The following LOXHD1 variants were observed in gnomAD, a reference collection of about 807,000 sequenced individuals.
LOXHD1 encodes lipoxygenase homology PLAT domains 1, also known as lipoxygenase homology domain-containing protein 1.
LOXHD1 carries 205 observed loss-of-function variants against 248.2 expected under a neutral mutation model. The observed-to-expected ratio is 0.83, with a 90% confidence interval of 0.74 to 0.93. The LOEUF (loss-of-function observed/expected upper bound fraction) is 0.93, where lower values mean the gene tolerates loss of function less well. Among genes scored for constraint, LOXHD1 ranks in the 40% least tolerant of loss-of-function variants. The probability of loss-of-function intolerance (pLI) is 0.00; values close to 1 mark genes in which losing one functional copy is unlikely to be tolerated. For synonymous variants in LOXHD1, 1,113 were observed against 1,162.8 expected, an observed-to-expected ratio of 0.96 and a Z score of 0.87; for missense variants, 2,930 against 2,971.6, an observed-to-expected ratio of 0.99 and a Z score of 0.33.
intron 21 of LOXHD1, chr18:46,555,105 A>C (rs531072504): frequency 6.4e-6 from 3 of 470,768 alleles, no homozygotes; most frequent in Non-Finnish European, 1.3e-5. Context: ...ATGCCAAATC[A>C]GTGGCAGAGA....
chr18:46,542,277 TCAGGG>T (rs2036594949), intron 24 of LOXHD1, among the ~76,000 whole-genome samples: 1 of 152,108 alleles, frequency 6.6e-6, no homozygotes, highest in Admixed American at 6.5e-5. Context: ...CAAACAGAAC[TCAGGG>T]ATGCCAGGAA....
chr18:46,645,341 A>T (rs1163375561), intron 2 of LOXHD1, among the ~76,000 whole-genome samples: 1 of 151,990 alleles, frequency 6.6e-6, no homozygotes, highest in African/African-American at 2.4e-5. Flanking sequence ...AGCCCCTGCC[A>T]TTCAGCAGGA....
At chr18:46,646,276 C>A (rs374507365) in intron 2 of LOXHD1, among the ~76,000 whole-genome samples, 18 of 152,298 alleles carry the variant, frequency 1.2e-4, no homozygotes, top group African/African-American at 4.1e-4. Flanking sequence ...CCTGAGATAA[C>A]TGCATCTAGA....
chr18:46,536,504 A>G (rs1200508221), intron 26 of LOXHD1, among the ~76,000 whole-genome samples: 1 of 152,190 alleles, frequency 6.6e-6, no homozygotes, highest in Non-Finnish European at 1.5e-5. Flanking sequence ...GAGAGATTTG[A>G]AAAGAAAAAA....
chr18:46,503,841 C>A (rs2034391316), intron 37 of LOXHD1, among the ~76,000 whole-genome samples: 1 of 152,120 alleles, frequency 6.6e-6, no homozygotes, highest in Non-Finnish European at 1.5e-5. Flanking sequence ...CCTCTCATCA[C>A]CTCATCTTCT....
At chr18:46,505,709 C>T (rs1177194028) in intron 37 of LOXHD1, 129 bp downstream of exon 37, 1 of 916,248 alleles carries the variant, frequency 1.1e-6, no homozygotes, top group Admixed American at 2.2e-5. Context: ...ATGTGGTGGT[C>T]ATCAACTGTG....
intron 8 of LOXHD1, among the ~76,000 whole-genome samples, chr18:46,596,739 C>T (rs1171272788): frequency 1.3e-5 from 2 of 151,892 alleles, no homozygotes; most frequent in Admixed American, 1.3e-4. Flanking sequence ...AGGAGAATAC[C>T]AAAAACAAGA....
intron 26 of LOXHD1, among the ~76,000 whole-genome samples, chr18:46,534,883 C>G (rs1324410370): frequency 1.3e-5 from 2 of 152,216 alleles, no homozygotes; most frequent in African/African-American, 4.8e-5. Flanking sequence ...CTTCCAGCCA[C>G]TCCTTTTCTG....
intron 37 of LOXHD1, among the ~76,000 whole-genome samples, chr18:46,499,205 C>T (rs1020477182): frequency 6.6e-6 from 1 of 152,154 alleles, no homozygotes; most frequent in African/African-American, 2.4e-5. Flanking sequence ...GAGGTATGAG[C>T]AGAGAAGTTT....
intron 40 of LOXHD1, among the ~76,000 whole-genome samples, chr18:46,478,514 A>G (rs1324722820): frequency 6.6e-6 from 1 of 152,066 alleles, no homozygotes; most frequent in Non-Finnish European, 1.5e-5. Context: ...TCAATTCTCT[A>G]TGAAGCAGCC....
intron 5 of LOXHD1, 143 bp downstream of exon 5, chr18:46,618,049 A>T (rs2038614118): frequency 3.2e-6 from 2 of 626,264 alleles, no homozygotes; most frequent in Non-Finnish European, 5.7e-6. Flanking sequence ...AGGTCACTCC[A>T]AACCACATCA....
chr18:46,552,556 C>G (rs1280870288), intron 21 of LOXHD1, among the ~76,000 whole-genome samples: 1 of 152,166 alleles, frequency 6.6e-6, no homozygotes, highest in Non-Finnish European at 1.5e-5. Flanking sequence ...CATCTACCAA[C>G]TGGACAGCAC....
chr18:46,586,443 T>G (rs2038062402), intron 12 of LOXHD1, among the ~76,000 whole-genome samples: 1 of 152,146 alleles, frequency 6.6e-6, no homozygotes, highest in South Asian at 2.1e-4. Context: ...TTTTTTTGTT[T>G]GTTTTGTTTG....
Position 46,560,464 on chromosome 18 carries a change from C to T in LOXHD1, c.2680G>A (p.Asp894Asn). ...ACCAGGTGCCGCAGCCACACGGTGT[C>T]CACGAACCAGCTGGGCCCAAAGCCC... is the stretch of plus-strand genomic sequence containing the variant. ...GEGFGPSWFV[D>N]TVWLRHLVVR... The change falls in exon 19 of 41, where the codon GAC becomes AAC. Residue 894 changes from aspartate (D) to asparagine (N), a missense_variant. Coordinates refer to ENST00000642948, the MANE Select transcript of LOXHD1 (RefSeq NM_001384474.1). 1.3e-6 allele frequency: 2 copies of T among 1,541,858 alleles called. No individual in the cohort carries two copies. The highest frequency in any genetic ancestry group is 1.7e-6 in the Non-Finnish European group (2 of 1,146,972).
chr18:46,478,249 C>A (rs981687555), intron 40 of LOXHD1, among the ~76,000 whole-genome samples: 1 of 151,860 alleles, frequency 6.6e-6, no homozygotes, highest in African/African-American at 2.4e-5. Context: ...TTTTTTCTCA[C>A]CATCTTGGCC....
chr18:46,633,376 G>A (rs1218397923), intron 4 of LOXHD1, among the ~76,000 whole-genome samples: 2 of 152,026 alleles, frequency 1.3e-5, no homozygotes, highest in East Asian at 3.9e-4. Context: ...AATAAGGAAG[G>A]GACAGTCTTT....
At chr18:46,625,128 A>G (rs1378117538) in intron 4 of LOXHD1, among the ~76,000 whole-genome samples, 1 of 152,172 alleles carries the variant, frequency 6.6e-6, no homozygotes, top group Non-Finnish European at 1.5e-5. Context: ...GCATCTGAAC[A>G]AGAAGGTTCT....
rs537357512 is a variant in LOXHD1, at chr18:46,488,852, T to C, written c.6049+120A>G. 1.7e-5 allele frequency: 18 copies of C among 1,080,412 alleles called. No individual in the cohort carries two copies. In the East Asian group the frequency reaches 3.9e-4, roughly 24 times the overall value. 66.9% of individuals were successfully genotyped at this position (1,080,412 alleles called of 1,614,324 possible). ...AAACAGCATTTAGGATGTTTCCTCATGCATATCTCCATATTATTCCCTGTA... is the reference window on the plus strand; with the variant it reads ...AAACAGCATTTAGGATGTTTCCTCACGCATATCTCCATATTATTCCCTGTA... On this transcript the variant is annotated intron_variant, in intron 38 of 40. Coordinates refer to ENST00000642948, the MANE Select transcript of LOXHD1 (RefSeq NM_001384474.1).
Position 46,648,574 on chromosome 18 carries a change from A to T in LOXHD1, c.245+581T>A, listed in dbSNP as rs328178. ...TCAGGTTTTGCATGTATGTTGGTGT[A>T]TGCGTGCATGCAGTGGGGGGAAAGG... On this transcript the variant is annotated intron_variant, in intron 2 of 40. Coordinates refer to ENST00000642948, the MANE Select transcript of LOXHD1 (RefSeq NM_001384474.1). Among the ~76,000 whole-genome samples the T allele has an allele frequency of 6.6e-3, 1,009 of 152,314 alleles. 2 individuals carry two copies. Among genetic ancestry groups the T allele is most frequent in the Middle Eastern group, 0.024 (7 of 294 alleles).
Sources: gnomAD v4.1 joint callset for allele counts (sites outside exome capture counted in the v4.1 genomes callset) on GRCh38, gnomAD v4.1.1 for gene constraint, MANE v1.5 for transcripts, NCBI Gene and HGNC (gene_info 2026-07-23, HGNC 2026-07-21) for gene names.